The following ZFYVE28 variants were observed in gnomAD, a reference collection of about 807,000 sequenced individuals.
The protein encoded by ZFYVE28 is zinc finger FYVE-type containing 28.
A neutral mutation model predicts 82.1 loss-of-function variants in ZFYVE28; 40 were observed. The ratio of observed to expected loss-of-function variants is 0.49; its 90% CI spans 0.38 to 0.63. The LOEUF is 0.63. Among genes scored for constraint, ZFYVE28 ranks in the 30% least tolerant of loss-of-function variants. The pLI is 0.00. For synonymous variants in ZFYVE28, 612 were observed against 546.1 expected (o/e 1.12, Z -1.68); for missense variants, 1,321 against 1,242.1 (o/e 1.06, Z -0.96).
At chr4:2,279,218 C>T (rs150887694) in intron 8 of ZFYVE28, among the ~76,000 whole-genome samples, 2 of 152,300 alleles carry the variant, frequency 1.3e-5, no homozygotes, top group South Asian at 2.1e-4. Context: ...GATCACTTGA[C>T]ATCAGGAGCT....
intron 1 of ZFYVE28, among the ~76,000 whole-genome samples, chr4:2,387,070 C>T (rs1299184518): frequency 1.3e-5 from 2 of 152,206 alleles, no homozygotes; most frequent in African/African-American, 4.8e-5. Flanking sequence ...GGGCCGGGGC[C>T]GGGGCCGGGG....
At chr4:2,399,499 C>T (rs989778880) in intron 1 of ZFYVE28, among the ~76,000 whole-genome samples, 15 of 152,226 alleles carry the variant, frequency 9.9e-5, no homozygotes, top group Non-Finnish European at 2.1e-4. Context: ...AGAAAGCACC[C>T]AGGAAGGCCG....
In ZFYVE28 at chr4:2,271,107, G is replaced by A. The variant is rs1040887631; in HGVS notation, c.2532+204C>T. ...CTCTGTGGCTGGCTCTGCAGCAGCC[G>A]GGACTGGACATGGGCACCATCCAGG... On this transcript the variant is annotated intron_variant, in intron 12 of 12. Transcript: ENST00000290974. 35 of 734,662 alleles carry A rather than the reference G, an allele frequency of 4.8e-5. No homozygotes were observed. The South Asian group carries it at 4.8e-4, about 10-fold the overall frequency. 45.5% of individuals were successfully genotyped at this position (734,662 alleles called of 1,614,324 possible). A position where few individuals can be genotyped will look rare whatever the true frequency, so the allele number is the denominator to read the frequency against.
chr4:2,414,561 G>A (rs968306313), intron 1 of ZFYVE28, among the ~76,000 whole-genome samples: 2 of 152,238 alleles, frequency 1.3e-5, no homozygotes, highest in Non-Finnish European at 2.9e-5. Flanking sequence ...TTCTCGGAGT[G>A]CAAGGTTGAG....
intron 7 of ZFYVE28, among the ~76,000 whole-genome samples, chr4:2,318,434 C>T (rs746052030): frequency 9.9e-5 from 15 of 152,054 alleles, no homozygotes; most frequent in East Asian, 1.9e-4. Flanking sequence ...GGCGTACACC[C>T]GTAATCCCAG....
At position 2,409,829 on chromosome 4, in the gene ZFYVE28, C is replaced by A. The variant is rs903966672; in HGVS notation, c.39+8456G>T. ...TCTTCTGGAAGCCCCAGGACAAGGG[C>A]CCTGCCAGCAGCACAGGGTGGGAGG... On this transcript the variant is annotated intron_variant, in intron 1 of 12. Transcript: ENST00000290974. This position sits in a 1 kb window ranked among gnomAD's most constrained non-coding sequence, Gnocchi z 4.4. Among the ~76,000 whole-genome samples the A allele has an allele frequency of 2.0e-5, 3 of 152,226 alleles. No homozygotes were observed. The highest frequency in any genetic ancestry group is 7.2e-5 in the African/African-American group (3 of 41,446).
rs779912979 is a variant in ZFYVE28 at position 2,305,099 on chromosome 4, G to A, written c.1241C>T (p.Ala414Val). 16 of 1,603,400 alleles carry A rather than the reference G, an allele frequency of 1.0e-5. No individual in the cohort carries two copies. In the South Asian group the frequency reaches 1.4e-4, roughly 15 times the overall value. Residue 414 changes from alanine (A) to valine (V), a missense_variant, in exon 8 of 13, where the codon GCC becomes GTC. Ala to Val is a moderately conservative substitution (Grantham distance 64). Transcript: ENST00000290974. ...TGGGCCAGCTGGGGACTCGGGCCTGGCCAGGGCTTCTGCCGTCCCCTCCAC... is the reference window on the plus strand; with the variant it reads ...TGGGCCAGCTGGGGACTCGGGCCTGACCAGGGCTTCTGCCGTCCCCTCCAC... The part of the protein sequence containing the change: ...DDVEGTAEAL[A>V]RPESPAGPFG...
chr4:2,417,531 TGCTG>T lies in ZFYVE28; in HGVS notation c.39+750_39+753del, dbSNP rs1431027147. 6.6e-6 allele frequency among the ~76,000 whole-genome samples: 1 copy of T among 151,728 alleles called. No individual in the cohort carries two copies. The highest frequency in any genetic ancestry group is 2.4e-5 in the African/African-American group (1 of 41,384). ...GCCGCACCTCCCGCCCCGCCGAGGC[TGCTG>T]GCCACGGGCGCGCTCGCCCCAAGGG... On this transcript the variant is annotated intron_variant, in intron 1 of 12. Coordinates refer to ENST00000290974, the MANE Select transcript of ZFYVE28 (RefSeq NM_020972.3). The surrounding 1 kb of genome is among the most constrained non-coding windows in gnomAD (Gnocchi z 4.8).
intron 1 of ZFYVE28, among the ~76,000 whole-genome samples, chr4:2,413,192 A>T (rs1732698573): frequency 6.6e-6 from 1 of 152,246 alleles, no homozygotes; most frequent in African/African-American, 2.4e-5. Flanking sequence ...CAGAAACCTC[A>T]GCAAAGCGCA....
chr4:2,375,589 T>C (rs58069885), intron 1 of ZFYVE28, among the ~76,000 whole-genome samples: 39,418 of 152,140 alleles, frequency 0.26, 7,138 homozygotes, highest in African/African-American at 0.52. Flanking sequence ...GGAGGTAGCT[T>C]GCCCCACACA....
intron 6 of ZFYVE28, among the ~76,000 whole-genome samples, chr4:2,321,739 C>A (rs1719104993): frequency 6.6e-6 from 1 of 152,146 alleles, no homozygotes; most frequent in Non-Finnish European, 1.5e-5. Context: ...CCATCCACAA[C>A]CACAGTAGAG....
chr4:2,345,801 A>G (rs181800752), intron 2 of ZFYVE28, among the ~76,000 whole-genome samples: 23 of 152,164 alleles, frequency 1.5e-4, no homozygotes, highest in African/African-American at 4.8e-4. Flanking sequence ...ACGAGAAAAA[A>G]GATGTGTTAC....
At chr4:2,330,073 C>G (rs879127310) in intron 6 of ZFYVE28, 1 of 166,858 alleles carries the variant, frequency 6.0e-6, no homozygotes, top group Non-Finnish European at 1.2e-5. Context: ...TCTATAGAAA[C>G]AGAAAATAGA....
chr4:2,285,440 T>C (rs562901156), intron 8 of ZFYVE28: 20 of 152,394 alleles, frequency 1.3e-4, no homozygotes, highest in African/African-American at 4.8e-4. Context: ...GCCTTTGCAC[T>C]GGTGTCAGCC....
rs545630905 is a variant in ZFYVE28, at chr4:2,362,585, C to A, written c.40-8512G>T. The stretch of plus-strand genomic sequence containing the variant: ...GCAGCCATGACCCATGTCCCCAAGG[C>A]AGGCCTCATCCACAGCAGACACCCC... On this transcript the variant is annotated intron_variant, in intron 1 of 12. Coordinates refer to ENST00000290974, the MANE Select transcript of ZFYVE28 (RefSeq NM_020972.3). This position sits in a 1 kb window ranked among gnomAD's most constrained non-coding sequence, Gnocchi z 5.1. Among the ~76,000 whole-genome samples, 1 of 152,250 alleles carries A rather than the reference C, an allele frequency of 6.6e-6. No homozygotes were observed. Among genetic ancestry groups the A allele is most frequent in the Admixed American group, 6.5e-5 (1 of 15,310 alleles).
chr4:2,314,747 A>G (rs1717963551), intron 7 of ZFYVE28, among the ~76,000 whole-genome samples: 1 of 152,164 alleles, frequency 6.6e-6, no homozygotes, highest in South Asian at 2.1e-4. Context: ...GTTAATATTC[A>G]CTTATGTTAA....
intron 8 of ZFYVE28, among the ~76,000 whole-genome samples, chr4:2,296,569 G>A (rs767883780): frequency 1.3e-4 from 20 of 152,144 alleles, no homozygotes; most frequent in Non-Finnish European, 2.4e-4. Context: ...GGCATGAAGT[G>A]GGTGGAAGGT....
intron 7 of ZFYVE28, among the ~76,000 whole-genome samples, chr4:2,314,107 G>A (rs1264900520): frequency 6.6e-6 from 1 of 152,120 alleles, no homozygotes. Context: ...TACAGATTTG[G>A]GATTGTGACA....
At chr4:2,405,045 T>C (rs2108679467) in intron 1 of ZFYVE28, among the ~76,000 whole-genome samples, 1 of 152,182 alleles carries the variant, frequency 6.6e-6, no homozygotes, top group South Asian at 2.1e-4. Context: ...CTTCAATCTC[T>C]TAAAAGATTA....
Sources: gnomAD v4.1 joint callset for allele counts (sites outside exome capture counted in the v4.1 genomes callset) on GRCh38, gnomAD v4.1.1 for gene constraint, Gnocchi (gnomAD v3.1) non-coding constraint, MANE v1.5 for transcripts, NCBI Gene and HGNC (gene_info 2026-07-23, HGNC 2026-07-21) for gene names.